The following TSPAN14 variants were observed in gnomAD, a reference collection of about 807,000 sequenced individuals.
TSPAN14 encodes the protein tetraspanin 14, also known as tetraspanin-14.
Under a neutral mutation model 36.6 loss-of-function variants are expected in TSPAN14, and 16 were observed. The observed-to-expected ratio is 0.44, with a 90% CI of 0.30 to 0.66. The LOEUF is 0.66. TSPAN14 is among the 30% of genes least tolerant of loss of function. The pLI, the probability that TSPAN14 is intolerant of heterozygous loss-of-function variation, is 0.12. For synonymous variants in TSPAN14, 139 were observed against 143.8 expected (o/e 0.97, Z 0.24); for missense variants, 231 against 355.1 (o/e 0.65, Z 2.81).
At chr10:80,491,527 G>A (rs138037026) in intron 2 of TSPAN14, among the ~76,000 whole-genome samples, 2 of 152,294 alleles carry the variant, frequency 1.3e-5, no homozygotes, top group South Asian at 2.1e-4. Context: ...TGCAGCTAGA[G>A]CAGCACTCTC....
intron 1 of TSPAN14, among the ~76,000 whole-genome samples, chr10:80,471,188 C>T (rs914563633): frequency 6.6e-5 from 10 of 152,082 alleles, no homozygotes; most frequent in East Asian, 1.9e-4. Context: ...TTTGTCTCCA[C>T]GGCCTCATTC....
At chr10:80,457,351 G>A (rs1190232767) in intron 1 of TSPAN14, among the ~76,000 whole-genome samples, 1 of 151,954 alleles carries the variant, frequency 6.6e-6, no homozygotes, top group African/African-American at 2.4e-5. Context: ...ACCACACCCA[G>A]CTAATTTTTG....
intron 2 of TSPAN14, among the ~76,000 whole-genome samples, chr10:80,499,651 A>G (rs1848386775): frequency 1.3e-5 from 2 of 152,208 alleles, no homozygotes; most frequent in South Asian, 2.1e-4. Flanking sequence ...ACCTTGGGCA[A>G]AGGACCAAAT....
At chr10:80,502,652 G>C (rs1848587039) in intron 2 of TSPAN14, among the ~76,000 whole-genome samples, 2 of 152,036 alleles carry the variant, frequency 1.3e-5, no homozygotes, top group Admixed American at 1.3e-4. Context: ...GAGTTGGGGG[G>C]AGCTCGGTTG....
At chr10:80,464,584 G>T (rs1174568623) in intron 1 of TSPAN14, among the ~76,000 whole-genome samples, 2 of 152,178 alleles carry the variant, frequency 1.3e-5, no homozygotes, top group Admixed American at 1.3e-4. Flanking sequence ...GACCTGGTGG[G>T]TTTGAGGCTT....
intron 2 of TSPAN14, among the ~76,000 whole-genome samples, chr10:80,500,906 G>T (rs1848475544): frequency 6.6e-6 from 1 of 152,232 alleles, no homozygotes; most frequent in African/African-American, 2.4e-5. Flanking sequence ...TGCCCCTGAG[G>T]GTGGGGATAT....
chr10:80,488,043 C>A (rs75485227), intron 1 of TSPAN14, among the ~76,000 whole-genome samples: 1,925 of 152,344 alleles, frequency 0.013, 41 homozygotes, highest in African/African-American at 0.044. Flanking sequence ...TGGTTTCTCA[C>A]TGGCGGATGT....
At chr10:80,454,748 G>A (rs1312894160) in intron 1 of TSPAN14, among the ~76,000 whole-genome samples, 1 of 152,200 alleles carries the variant, frequency 6.6e-6, no homozygotes, top group Non-Finnish European at 1.5e-5. Context: ...GGCCGCTGCT[G>A]CTCGGGGCTC....
In TSPAN14 at chr10:80,504,009, A is replaced by G. The variant is rs565825040; in HGVS notation, c.82-719A>G. On this transcript the variant is annotated intron_variant, in intron 2 of 8. Coordinates refer to ENST00000429989, the Ensembl canonical transcript of TSPAN14. ...CTTTCTGTTGTGGTGCACATGGGGT[A>G]TGGGTTCCTGCAGGTGGGAAGTTGG... Among the ~76,000 whole-genome samples the G allele has an allele frequency of 2.3e-3, 343 of 152,196 alleles. 2 individuals are homozygous for G. Among genetic ancestry groups the G allele is most frequent in the Non-Finnish European group, 3.0e-3 (207 of 68,008 alleles).
intron 1 of TSPAN14, among the ~76,000 whole-genome samples, chr10:80,464,306 A>G (rs1338685904): frequency 6.6e-6 from 1 of 152,216 alleles, no homozygotes; most frequent in Non-Finnish European, 1.5e-5. Flanking sequence ...TGATTTTAAA[A>G]GCCTGTGTAA....
At chr10:80,514,665 C>T (rs942461914) in intron 7 of TSPAN14, among the ~76,000 whole-genome samples, 10 of 152,256 alleles carry the variant, frequency 6.6e-5, no homozygotes, top group Non-Finnish European at 4.4e-5. Flanking sequence ...ACCTGTTAGC[C>T]GTGGATATGA....
intron 1 of TSPAN14, among the ~76,000 whole-genome samples, chr10:80,466,001 A>C (rs1041439168): frequency 6.6e-6 from 1 of 152,012 alleles, no homozygotes; most frequent in African/African-American, 2.4e-5. Flanking sequence ...TGACTTCTCT[A>C]TCTGAGGTGT....
At position 80,482,919 on chromosome 10, in the gene TSPAN14, G is replaced by C. The variant is rs538040564; in HGVS notation, c.-17-6298G>C. On this transcript the variant is annotated intron_variant, in intron 1 of 8. Coordinates refer to ENST00000429989, the Ensembl canonical transcript of TSPAN14. ...CCTGGCTAATTTTGTATTTTTAGTA[G>C]AGATGGGGTTTCACCATGTTGGTCA... 2.4e-4 allele frequency among the ~76,000 whole-genome samples: 37 copies of C among 151,472 alleles called. No homozygotes were observed. The South Asian group carries it at 5.0e-3, about 21-fold the overall frequency.
chr10:80,479,027 T>C (rs1847086933), intron 1 of TSPAN14, among the ~76,000 whole-genome samples: 1 of 152,144 alleles, frequency 6.6e-6, no homozygotes, highest in African/African-American at 2.4e-5. Context: ...TTGATTTGCA[T>C]TTCTCTGATG....
At position 80,473,313 on chromosome 10, in the gene TSPAN14, A is replaced by T. The variant is rs112510924; in HGVS notation, c.-17-15904A>T. On this transcript the variant is annotated intron_variant, in intron 1 of 8. Coordinates refer to ENST00000429989, the Ensembl canonical transcript of TSPAN14. ...ATGAGGAGGCCCCTCGGTGTCCTGA[A>T]ACTTGGCAGGTTTTGGGTTGTGAGT... Among the ~76,000 whole-genome samples, 7 of 152,242 alleles carry T rather than the reference A, an allele frequency of 4.6e-5. 1 individual carries two copies. Among genetic ancestry groups the T allele is most frequent in the African/African-American group, 1.7e-4 (7 of 41,528 alleles).
intron 2 of TSPAN14, among the ~76,000 whole-genome samples, chr10:80,493,951 T>C (rs1848055804): frequency 6.6e-6 from 1 of 152,236 alleles, no homozygotes; most frequent in Non-Finnish European, 1.5e-5. Flanking sequence ...ATTCCGATAA[T>C]GTCTGCAACT....
At chr10:80,484,436 C>T (rs945390056) in intron 1 of TSPAN14, among the ~76,000 whole-genome samples, 6 of 151,964 alleles carry the variant, frequency 3.9e-5, no homozygotes, top group Admixed American at 2.6e-4. Flanking sequence ...GCGATTATCC[C>T]GCCTCAGCCT....
chr10:80,494,155 T>G lies in TSPAN14; in HGVS notation c.81+4841T>G, dbSNP rs182251194. Among the ~76,000 whole-genome samples, 47 of 152,376 alleles carry G rather than the reference T, an allele frequency of 3.1e-4. 1 individual carries two copies. The highest frequency in any genetic ancestry group is 1.0e-3 in the African/African-American group (43 of 41,590). ...TTAAAAAAATTTTTTTTAAATGACA[T>G]TCTGCCATTGGCTTTCTCAGTGACT... On this transcript the variant is annotated intron_variant, in intron 2 of 8. Transcript: ENST00000429989.
chr10:80,487,304 T>TGTCAG (rs2132008476), intron 1 of TSPAN14, among the ~76,000 whole-genome samples: 1 of 150,308 alleles, frequency 6.7e-6, no homozygotes, highest in East Asian at 2.0e-4. Flanking sequence ...TCTGCTGGCA[T>TGTCAG]GTCAGTATCA....
Sources: allele counts gnomAD v4.1 joint callset (sites outside exome capture counted in the v4.1 genomes callset), GRCh38; gene constraint gnomAD v4.1.1; transcripts MANE v1.5; gene names NCBI Gene and HGNC (gene_info 2026-07-23, HGNC 2026-07-21).